THSD7B: variants seen among roughly 807,000 people sequenced by gnomAD.
The protein encoded by THSD7B is thrombospondin type-1 domain-containing protein 7B.
In THSD7B, 138 loss-of-function variants were observed where a neutral mutation model predicts 213.6. The ratio of observed to expected loss-of-function variants is 0.65; its 90% CI spans 0.56 to 0.74. THSD7B has a LOEUF of 0.74. Among genes scored for constraint, THSD7B ranks in the 30% least tolerant of loss-of-function variants. The pLI, the probability that THSD7B is intolerant of heterozygous loss-of-function variation, is 0.00. For missense variants in THSD7B, 1,931 were observed against 1,991.5 expected (o/e 0.97, Z 0.58); for synonymous variants, 742 against 687.0 (o/e 1.08, Z -1.25).
rs1485035315 is a variant in THSD7B, at chr2:137,325,373, G to C, written c.2500+49347G>C. Among the ~76,000 whole-genome samples the C allele has an allele frequency of 3.9e-5, 6 of 152,154 alleles. No individual in the cohort carries two copies. The East Asian group carries it at 1.2e-3, about 29-fold the overall frequency. On this transcript the variant is annotated intron_variant, in intron 12 of 27. Coordinates refer to ENST00000409968, the MANE Select transcript of THSD7B (RefSeq NM_001316349.2). ...GAAAAGAGCAAGAACAACAGTGAAAGCAGGGTGAAAAATCTCAGTACCCAA... is the reference window on the plus strand; with the variant it reads ...GAAAAGAGCAAGAACAACAGTGAAACCAGGGTGAAAAATCTCAGTACCCAA...
At chr2:137,143,777 A>T (rs1185180224) in intron 5 of THSD7B, among the ~76,000 whole-genome samples, 1 of 152,210 alleles carries the variant, frequency 6.6e-6, no homozygotes, top group African/African-American at 2.4e-5. Flanking sequence ...TATTTCTAAT[A>T]AACTGCACTG....
At chr2:136,829,768 G>T (rs1171542440) in intron 1 of THSD7B, among the ~76,000 whole-genome samples, 1 of 152,026 alleles carries the variant, frequency 6.6e-6, no homozygotes. Flanking sequence ...GAGCAGGCAT[G>T]GGTTATATAT....
intron 2 of THSD7B, among the ~76,000 whole-genome samples, chr2:136,918,042 T>C (rs1222440728): frequency 2.0e-5 from 3 of 152,228 alleles, no homozygotes; most frequent in African/African-American, 7.2e-5. Context: ...AAGTTTGTTA[T>C]ATTTATTTTT....
chr2:137,176,212 C>G (rs1680354584), intron 7 of THSD7B, among the ~76,000 whole-genome samples: 1 of 152,024 alleles, frequency 6.6e-6, no homozygotes, highest in Non-Finnish European at 1.5e-5. Flanking sequence ...ATTCGAGCCA[C>G]CTGAGGATAT....
Position 136,987,502 on chromosome 2 carries a change from T to C in THSD7B, c.140-68918T>C, listed in dbSNP as rs117465151. ...AGGTGAGAAATAATGGGCATGTTTT[T>C]ACTACAAGAAGAGAGGGATGAGGTA... is the stretch of plus-strand genomic sequence containing the variant. On this transcript the variant is annotated intron_variant, in intron 2 of 27. Coordinates refer to ENST00000409968, the MANE Select transcript of THSD7B (RefSeq NM_001316349.2). Among the ~76,000 whole-genome samples the C allele has an allele frequency of 1.5e-4, 23 of 152,314 alleles. No individual in the cohort carries two copies. The East Asian group carries it at 4.2e-3, about 28-fold the overall frequency.
intron 12 of THSD7B, among the ~76,000 whole-genome samples, chr2:137,311,714 A>T (rs1683913146): frequency 6.6e-6 from 1 of 151,694 alleles, no homozygotes; most frequent in Non-Finnish European, 1.5e-5. Flanking sequence ...TTTTAGCATG[A>T]AGGGTTGTTG....
At chr2:136,973,395 A>G (rs1685433029) in intron 2 of THSD7B, among the ~76,000 whole-genome samples, 1 of 152,076 alleles carries the variant, frequency 6.6e-6, no homozygotes, top group Admixed American at 6.6e-5. Context: ...TTTCACTTTT[A>G]TATTCTATTT....
At chr2:137,086,191 G>A (rs1687838365) in intron 3 of THSD7B, among the ~76,000 whole-genome samples, 1 of 152,006 alleles carries the variant, frequency 6.6e-6, no homozygotes, top group African/African-American at 2.4e-5. Context: ...ACAAAAATTA[G>A]CTGGGCGTGA....
At chr2:137,581,924 T>C (rs1017763842) in intron 17 of THSD7B, among the ~76,000 whole-genome samples, 1 of 151,006 alleles carries the variant, frequency 6.6e-6, no homozygotes, top group African/African-American at 2.4e-5. Flanking sequence ...TAGTAAAAAC[T>C]CCCTCTCTTT....
intron 12 of THSD7B, among the ~76,000 whole-genome samples, chr2:137,372,749 A>C (rs969555615): frequency 1.4e-4 from 21 of 151,954 alleles, no homozygotes; most frequent in Non-Finnish European, 2.5e-4. Context: ...CACAATGTGC[A>C]GGTTAGTTAC....
intron 15 of THSD7B, among the ~76,000 whole-genome samples, chr2:137,522,195 T>G (rs1283413527): frequency 6.6e-6 from 1 of 152,208 alleles, no homozygotes; most frequent in African/African-American, 2.4e-5. Flanking sequence ...CTTCAAATGC[T>G]TCTCTCTGTG....
At chr2:137,256,025 CCTT>C (rs1682299981) in intron 10 of THSD7B, among the ~76,000 whole-genome samples, 1 of 152,082 alleles carries the variant, frequency 6.6e-6, no homozygotes, top group Non-Finnish European at 1.5e-5. Context: ...TAAAAATCCC[CCTT>C]CTTCCTGTTT....
At position 137,644,528 on chromosome 2, in the gene THSD7B, A is replaced by T. The variant is rs538736803; in HGVS notation, c.3945+1895A>T. On this transcript the variant is annotated intron_variant, in intron 21 of 27. Transcript: ENST00000409968. ...GAGAAAGGGAATCATGACAATATCT[A>T]AGTTGAGTTTTTCCTGACTTCCAGC... 2.0e-5 allele frequency among the ~76,000 whole-genome samples: 3 copies of T among 152,268 alleles called. No individual in the cohort carries two copies. The East Asian group carries it at 5.8e-4, about 29-fold the overall frequency.
At chr2:136,953,915 C>T (rs1685080964) in intron 2 of THSD7B, among the ~76,000 whole-genome samples, 1 of 152,152 alleles carries the variant, frequency 6.6e-6, no homozygotes, top group South Asian at 2.1e-4. Context: ...AAGGGATTTG[C>T]TTAATTACAA....
intron 21 of THSD7B, among the ~76,000 whole-genome samples, chr2:137,649,665 A>T (rs894331912): frequency 1.3e-5 from 2 of 152,046 alleles, no homozygotes; most frequent in Non-Finnish European, 2.9e-5. Flanking sequence ...ATTTTGTTTC[A>T]TTTGTCTAAG....
At chr2:137,310,182 T>C (rs1330162974) in intron 12 of THSD7B, among the ~76,000 whole-genome samples, 1 of 152,182 alleles carries the variant, frequency 6.6e-6, no homozygotes, top group Non-Finnish European at 1.5e-5. Flanking sequence ...CCTGACTTTT[T>C]AATGATTGCC....
At chr2:136,955,565 A>T (rs986638061) in intron 2 of THSD7B, among the ~76,000 whole-genome samples, 4 of 152,126 alleles carry the variant, frequency 2.6e-5, no homozygotes, top group South Asian at 2.1e-4. Context: ...GTTTCCTTTT[A>T]AAAAAAGTTA....
chr2:137,405,462 A>G (rs1250989824), intron 12 of THSD7B, 151 bp from the exon 13 acceptor site: 2 of 536,700 alleles, frequency 3.7e-6, no homozygotes, highest in Non-Finnish European at 6.0e-6. Flanking sequence ...TAATTTCCAG[A>G]GAGAAATAAG....
intron 7 of THSD7B, among the ~76,000 whole-genome samples, chr2:137,182,007 GAT>G (rs1237613541): frequency 1.3e-5 from 2 of 152,110 alleles, no homozygotes; most frequent in African/African-American, 2.4e-5. Context: ...GCTAAAATAA[GAT>G]CAGGCTGCAA....
Sources: gnomAD v4.1 joint callset for allele counts (sites outside exome capture counted in the v4.1 genomes callset) on GRCh38, gnomAD v4.1.1 for gene constraint, MANE v1.5 for transcripts, NCBI Gene and HGNC (gene_info 2026-07-23, HGNC 2026-07-21) for gene names.